MTMR9: variants seen among roughly 807,000 people sequenced by gnomAD.
MTMR9 encodes myotubularin related protein 9.
Under a neutral mutation model 69.5 loss-of-function variants are expected in MTMR9, and 39 were observed. The ratio of observed to expected loss-of-function variants is 0.56; its 90% CI spans 0.43 to 0.73. MTMR9 has a LOEUF of 0.73. MTMR9 is among the 30% of genes least tolerant of loss of function. The probability of loss-of-function intolerance (pLI) is 0.00; values close to 1 mark genes in which losing one functional copy is unlikely to be tolerated. For synonymous variants in MTMR9, 354 were observed against 240.8 expected (o/e 1.47, Z -4.35); for missense variants, 900 against 671.2 (o/e 1.34, Z -3.77).
At chr8:11,307,662 C>T (rs760244502) in intron 5 of MTMR9, among the ~76,000 whole-genome samples, 2 of 152,156 alleles carry the variant, frequency 1.3e-5, no homozygotes, top group Non-Finnish European at 2.9e-5. Flanking sequence ...ACATTCCCAC[C>T]AGCATTGTAC....
At chr8:11,329,677 C>T (rs1355427754), downstream of MTMR9, among the ~76,000 whole-genome samples, 1 of 152,250 alleles carries the variant, frequency 6.6e-6, no homozygotes, top group Admixed American at 6.5e-5. Context: ...CCTCCACCTC[C>T]CAGCCGCCTG....
chr8:11,306,531 G>A (rs1405090851), intron 5 of MTMR9, 124 bp downstream of exon 5: 2 of 803,094 alleles, frequency 2.5e-6, no homozygotes, highest in South Asian at 1.8e-5. Flanking sequence ...TCAATGATGG[G>A]CTAGCCATCT....
At chr8:11,297,852 G>C (rs749785064) in intron 2 of MTMR9, 2 of 456,216 alleles carry the variant, frequency 4.4e-6, no homozygotes, top group Non-Finnish European at 8.8e-6. Context: ...TTCTTACAGC[G>C]TAGTGATTAA....
At chr8:11,309,044 C>T (rs554072508) in intron 5 of MTMR9, among the ~76,000 whole-genome samples, 15 of 152,164 alleles carry the variant, frequency 9.9e-5, no homozygotes, top group African/African-American at 3.6e-4. Flanking sequence ...TTTCCTCCAC[C>T]TATTGTCTCT....
At chr8:11,336,671 T>A in the MTMR9 span, among the ~76,000 whole-genome samples, 1 of 152,224 alleles carries the variant, frequency 6.6e-6, no homozygotes, top group East Asian at 1.9e-4. Context: ...TTTGGAATAT[T>A]TCTGCTCGAC....
downstream of MTMR9, chr8:11,331,453 G>A (rs761524743): frequency 4.3e-6 from 7 of 1,613,982 alleles, no homozygotes; most frequent in Admixed American, 1.0e-4. Flanking sequence ...CTCAGCATTG[G>A]ATGTGCCTAC....
At chr8:11,311,297 A>G (rs747625691) in intron 6 of MTMR9, among the ~76,000 whole-genome samples, 4 of 152,342 alleles carry the variant, frequency 2.6e-5, no homozygotes, top group African/African-American at 9.6e-5. Context: ...TAAGTACATC[A>G]TCTACAATGT....
chr8:11,333,255 A>C, the MTMR9 span, among the ~76,000 whole-genome samples: 1 of 152,260 alleles, frequency 6.6e-6, no homozygotes. Context: ...AAGTAGCAAG[A>C]GAATCAACTC....
chr8:11,290,615 C>G (rs73665045), intron 1 of MTMR9, among the ~76,000 whole-genome samples: 1 of 152,064 alleles, frequency 6.6e-6, no homozygotes, highest in East Asian at 1.9e-4. Flanking sequence ...TGGATTCTAT[C>G]TTTGTTTCAA....
At chr8:11,336,586 A>G in the MTMR9 span, among the ~76,000 whole-genome samples, 1 of 152,234 alleles carries the variant, frequency 6.6e-6, no homozygotes, top group Non-Finnish European at 1.5e-5. Context: ...TTCACTGTCC[A>G]TGAATTGATG....
the MTMR9 span, among the ~76,000 whole-genome samples, chr8:11,337,628 A>C: frequency 2.0e-5 from 3 of 152,268 alleles, no homozygotes. Flanking sequence ...GGCAGAGGCC[A>C]GTAGTGTTGA....
intron 5 of MTMR9, 109 bp from the exon 6 acceptor site, chr8:11,309,418 T>G: frequency 1.1e-6 from 1 of 876,886 alleles, no homozygotes; most frequent in Non-Finnish European, 1.7e-6. Flanking sequence ...TTTTATAGTA[T>G]TTTGAACTAC....
intron 8 of MTMR9, chr8:11,318,853 G>A (rs1413904893): frequency 6.6e-6 from 1 of 151,936 alleles, no homozygotes; most frequent in African/African-American, 2.4e-5. Context: ...AAAATTTTAA[G>A]TTTTGTTTGA....
chr8:11,310,153 T>C (rs577024875), intron 6 of MTMR9, among the ~76,000 whole-genome samples: 3 of 152,362 alleles, frequency 2.0e-5, no homozygotes, highest in Admixed American at 1.3e-4. Flanking sequence ...CTACTTGATA[T>C]GTGCGATTAC....
chr8:11,317,430 A>T (rs140747490), intron 8 of MTMR9: 1 of 152,194 alleles, frequency 6.6e-6, no homozygotes, highest in Non-Finnish European at 1.5e-5. Context: ...ATCAGGCATT[A>T]GATTCTCATA....
rs1278338218 is a variant in MTMR9, at chr8:11,319,719, C to T, written c.1367C>T (p.Ser456Phe). ...CKLKLQQKTM[S>F]LWSWVNQPSE... The stretch of plus-strand genomic sequence containing the variant: ...TTGAAGCTACAGCAGAAGACGATGT[C>T]TTTGTGGTCCTGGGTTAATCAGCCC... Residue 456 changes from serine to phenylalanine, a missense_variant, in exon 9 of 10, where the codon TCT becomes TTT. By Grantham distance (155) the Ser-to-Phe change is radical. Transcript: ENST00000221086. The T allele has an allele frequency of 6.2e-7, 1 of 1,613,974 alleles. No homozygotes were observed. Among genetic ancestry groups the T allele is most frequent in the African/African-American group, 1.3e-5 (1 of 74,928 alleles).
chr8:11,336,980 A>G, the MTMR9 span, among the ~76,000 whole-genome samples: 1 of 152,174 alleles, frequency 6.6e-6, no homozygotes, highest in Non-Finnish European at 1.5e-5. Flanking sequence ...TCATGGTCTA[A>G]TAGCAAGCCA....
chr8:11,287,458 T>G (rs1245927459), intron 1 of MTMR9, among the ~76,000 whole-genome samples: 1 of 151,760 alleles, frequency 6.6e-6, no homozygotes, highest in Non-Finnish European at 1.5e-5. Context: ...ATCCTTTTCC[T>G]GGGAAGCAGC....
At chr8:11,313,991 G>C (rs1391844757) in intron 6 of MTMR9, among the ~76,000 whole-genome samples, 1 of 152,206 alleles carries the variant, frequency 6.6e-6, no homozygotes, top group East Asian at 1.9e-4. Context: ...ACCAAGGGAA[G>C]ATCCATGAAC....
Sources: gnomAD v4.1 joint callset for allele counts (sites outside exome capture counted in the v4.1 genomes callset) on GRCh38, gnomAD v4.1.1 for gene constraint, MANE v1.5 for transcripts, NCBI Gene and HGNC (gene_info 2026-07-23, HGNC 2026-07-21) for gene names.